Variants in LGMN observed in about 807,000 individuals in gnomAD.
LGMN encodes the protein legumain.
A neutral mutation model predicts 56.8 loss-of-function variants in LGMN; 36 were observed. That is an observed-to-expected ratio of 0.63 (90% CI 0.49 to 0.84). The LOEUF (loss-of-function observed/expected upper bound fraction) is 0.84, where lower values mean the gene tolerates loss of function less well. Ranked by LOEUF, LGMN falls within the 40% of genes least tolerant of loss-of-function variation. The probability of loss-of-function intolerance (pLI) is 0.00; values close to 1 mark genes in which losing one functional copy is unlikely to be tolerated. For synonymous variants in LGMN, 199 were observed against 210.1 expected, an observed-to-expected ratio of 0.95 and a Z score of 0.46; for missense variants, 446 against 556.1, an observed-to-expected ratio of 0.80 and a Z score of 1.99.
intron 1 of LGMN, among the ~76,000 whole-genome samples, chr14:92,743,916 A>C (rs1397781356): frequency 1.3e-5 from 2 of 152,038 alleles, no homozygotes; most frequent in African/African-American, 4.8e-5. Context: ...AGCACTTGGA[A>C]AGGTTGAGGT....
Position 92,716,083 on chromosome 14 carries a change from T to C in LGMN, c.404+53A>G. On this transcript the variant is annotated intron_variant, in intron 5 of 13. Transcript: ENST00000334869. Reference sequence around the variant, plus strand: ...GAACAACACCTGTTTCAATTCTCTATACGGGGGTCCCAAGCCATTGAGAGA... The same window carrying C: ...GAACAACACCTGTTTCAATTCTCTACACGGGGGTCCCAAGCCATTGAGAGA... 32 of 1,208,878 alleles carry C rather than the reference T, an allele frequency of 2.6e-5. No individual in the cohort carries two copies. The South Asian group carries it at 4.2e-4, about 16-fold the overall frequency. The allele number at this position is 1,208,878 out of a possible 1,614,324, so 74.9% of individuals were successfully genotyped here. A position where few individuals can be genotyped will look rare whatever the true frequency, so the allele number is the denominator to read the frequency against.
chr14:92,713,748 G>A (rs926196796), intron 7 of LGMN, 75 bp downstream of exon 7: 15 of 990,116 alleles, frequency 1.5e-5, no homozygotes, highest in African/African-American at 8.0e-5. Flanking sequence ...GGACGGTCAC[G>A]GGACTGTGGG....
chr14:92,719,368 A>ACCACCAACACCG (rs200589200), intron 2 of LGMN, among the ~76,000 whole-genome samples: 33 of 136,024 alleles, frequency 2.4e-4, no homozygotes, highest in Middle Eastern at 3.8e-3. Flanking sequence ...CACCACCACC[A>ACCACCAACACCG]CCACCAACAC....
At chr14:92,710,963 G>C (rs984646589) in intron 10 of LGMN, among the ~76,000 whole-genome samples, 7 of 152,216 alleles carry the variant, frequency 4.6e-5, no homozygotes, top group Non-Finnish European at 1.0e-4. Flanking sequence ...CAACGTTTGT[G>C]CCCAAGGAAC....
chr14:92,725,674 C>T (rs1239772933), intron 2 of LGMN, among the ~76,000 whole-genome samples: 1 of 151,850 alleles, frequency 6.6e-6, no homozygotes, highest in Non-Finnish European at 1.5e-5. Flanking sequence ...CTCCCAGGTT[C>T]AAGCTATTTT....
intron 1 of LGMN, among the ~76,000 whole-genome samples, chr14:92,748,250 G>T (rs531377916): frequency 1.6e-4 from 25 of 152,158 alleles, no homozygotes; most frequent in African/African-American, 5.8e-4. Flanking sequence ...CACAACACGC[G>T]TGAGAAACGA....
intron 1 of LGMN, among the ~76,000 whole-genome samples, chr14:92,743,870 T>C (rs1017378492): frequency 9.3e-5 from 14 of 150,342 alleles, no homozygotes; most frequent in Admixed American, 4.6e-4. Context: ...AGATGAAAAA[T>C]CTAGGCCAGG....
intron 2 of LGMN, among the ~76,000 whole-genome samples, chr14:92,726,378 G>A (rs1422599660): frequency 2.0e-5 from 3 of 151,974 alleles, no homozygotes; most frequent in African/African-American, 7.2e-5. Context: ...CTTTGGCCCC[G>A]CCAGCCTCGA....
rs755248035 is a variant in LGMN at position 92,716,199 on chromosome 14, A to C, written c.341T>G (p.Leu114Arg). Residue 114 changes from leucine (L) to arginine (R), a missense_variant, in exon 5 of 14, where the codon CTT becomes CGT. Coordinates refer to ENST00000334869, the MANE Select transcript of LGMN (RefSeq NM_005606.7). The part of the protein sequence containing the change: ...TGEDVTPQNF[L>R]AVLRGDAEAV... ...TTCTGCATCGCCTCTCAACACAGCA[A>C]GGAAATTTTGTGGGGTAACATCCTA... The C allele has an allele frequency of 7.4e-6, 12 of 1,613,564 alleles. No homozygotes were observed. Among genetic ancestry groups the C allele is most frequent in the Non-Finnish European group, 9.3e-6 (11 of 1,179,524 alleles).
intron 2 of LGMN, among the ~76,000 whole-genome samples, chr14:92,724,875 G>A (rs1323640004): frequency 6.6e-6 from 1 of 152,190 alleles, no homozygotes; most frequent in Non-Finnish European, 1.5e-5. Context: ...TTGCTGTAAA[G>A]GGTCCGCTCT....
At chr14:92,741,416 G>T (rs1215348491) in intron 1 of LGMN, 2 of 152,182 alleles carry the variant, frequency 1.3e-5, no homozygotes, top group Non-Finnish European at 2.9e-5. Flanking sequence ...TGACCCCTCA[G>T]TGCCAGCTAC....
At chr14:92,708,444 A>G (rs1476160025) in intron 11 of LGMN, among the ~76,000 whole-genome samples, 1 of 152,142 alleles carries the variant, frequency 6.6e-6, no homozygotes, top group African/African-American at 2.4e-5. Flanking sequence ...CAAAAAAATT[A>G]ATAAATAAAG....
chr14:92,743,796 T>C (rs944210309), intron 1 of LGMN, among the ~76,000 whole-genome samples: 2 of 137,548 alleles, frequency 1.5e-5, no homozygotes, highest in Non-Finnish European at 3.1e-5. Context: ...AGGGAGACTC[T>C]GTCTCAAAAA....
At chr14:92,717,295 T>C (rs1890118402) in intron 4 of LGMN, 85 bp downstream of exon 4, 1 of 853,502 alleles carries the variant, frequency 1.2e-6, no homozygotes. Context: ...AGGGAGATTC[T>C]GATTCTAGAA....
At position 92,704,271 on chromosome 14, in the gene LGMN, C is replaced by T. The variant is rs1889303657; in HGVS notation, c.*48G>A. The stretch of plus-strand genomic sequence containing the variant: ...ACCTCTCCAGTCTCTGATCAGCACA[C>T]AGTCGGTGGGGCGCTCACACTTGGA... On this transcript the variant is annotated 3_prime_UTR_variant, in exon 14 of 14. Transcript: ENST00000334869. 3 of 1,613,732 alleles carry T rather than the reference C, an allele frequency of 1.9e-6. No individual in the cohort carries two copies. Among genetic ancestry groups the T allele is most frequent in the Non-Finnish European group, 2.5e-6 (3 of 1,179,694 alleles).
chr14:92,729,448 C>A (rs1442810270), intron 2 of LGMN, among the ~76,000 whole-genome samples: 1 of 138,716 alleles, frequency 7.2e-6, no homozygotes, highest in Non-Finnish European at 1.5e-5. Context: ...AATGTCCTGC[C>A]CACATCACCT....
In LGMN at chr14:92,704,167, T is replaced by C; in HGVS notation, c.*152A>G. On this transcript the variant is annotated 3_prime_UTR_variant, in exon 14 of 14. Coordinates refer to ENST00000334869, the MANE Select transcript of LGMN (RefSeq NM_005606.7). ...GAAGCAGGTAACAGCGAGCAAGTCA[T>C]CTTGTGAAGAAGGTCCTGGAGCGAG... 2 of 893,008 alleles carry C rather than the reference T, an allele frequency of 2.2e-6. No individual in the cohort carries two copies. The highest frequency in any genetic ancestry group is 1.9e-6 in the Non-Finnish European group (1 of 534,330). 55.3% of individuals were successfully genotyped at this position (893,008 alleles called of 1,614,324 possible). A position where few individuals can be genotyped will look rare whatever the true frequency, so the allele number is the denominator to read the frequency against.
chr14:92,737,178 G>A (rs1891346114), intron 1 of LGMN, among the ~76,000 whole-genome samples: 1 of 152,148 alleles, frequency 6.6e-6, no homozygotes, highest in Non-Finnish European at 1.5e-5. Context: ...AAAGCAGCCA[G>A]TCACCAAGTA....
Position 92,719,271 on chromosome 14 carries a change from C to CACT in LGMN, c.139-428_139-427insAGT, listed in dbSNP as rs1332777119. Among the ~76,000 whole-genome samples, 428 of 79,056 alleles carry CACT rather than the reference C, an allele frequency of 5.4e-3. 28 individuals carry two copies. In the East Asian group the frequency reaches 0.18, roughly 34 times the overall value. 51.9% of individuals were successfully genotyped at this position (79,056 alleles called of 152,430 possible). On this transcript the variant is annotated intron_variant, in intron 2 of 13. Transcript: ENST00000334869. ...CCACCACCACCACCGCCACCGCCGC[C>CACT]GCCGCCACCGCCGCCGCCGCCGCCG...
Sources: allele counts gnomAD v4.1 joint callset (sites outside exome capture counted in the v4.1 genomes callset), GRCh38; gene constraint gnomAD v4.1.1; transcripts MANE v1.5; gene names NCBI Gene and HGNC (gene_info 2026-07-23, HGNC 2026-07-21).